CDC73: variants seen among roughly 807,000 people sequenced by gnomAD.
The protein encoded by CDC73 is cell division cycle 73.
CDC73 carries 21 observed loss-of-function variants against 83.7 expected under a neutral mutation model. The observed-to-expected ratio is 0.25, with a 90% CI of 0.18 to 0.36. CDC73 has a LOEUF of 0.36. CDC73 is among the 10% of genes least tolerant of loss of function. CDC73 has a pLI of 1.00. For synonymous variants in CDC73, 224 were observed against 212.9 expected (o/e 1.05, Z -0.45); for missense variants, 342 against 653.3 (o/e 0.52, Z 5.19).
intron 15 of CDC73, among the ~76,000 whole-genome samples, chr1:193,248,377 A>G (rs1472129580): frequency 6.6e-6 from 1 of 152,126 alleles, no homozygotes; most frequent in African/African-American, 2.4e-5. Flanking sequence ...TAGTCATGCA[A>G]GAGCTTTGAT....
intron 10 of CDC73, chr1:193,180,929 A>T: frequency 6.2e-7 from 1 of 1,613,636 alleles, no homozygotes; most frequent in Non-Finnish European, 8.5e-7. Context: ...ATATCATGAT[A>T]TTGTCTGCTT....
At chr1:193,222,766 T>C (rs1252484387) in intron 13 of CDC73, among the ~76,000 whole-genome samples, 2 of 151,474 alleles carry the variant, frequency 1.3e-5, no homozygotes, top group Non-Finnish European at 2.9e-5. Context: ...CTTTTTTTTT[T>C]TTTTTTGCAT....
intron 10 of CDC73, among the ~76,000 whole-genome samples, chr1:193,191,176 T>C (rs1382484072): frequency 6.6e-6 from 1 of 152,220 alleles, no homozygotes; most frequent in Non-Finnish European, 1.5e-5. Flanking sequence ...GCTTGTACTT[T>C]GCTTTGTTCT....
intron 10 of CDC73, among the ~76,000 whole-genome samples, chr1:193,167,300 C>T (rs1028442832): frequency 1.3e-5 from 2 of 152,102 alleles, no homozygotes; most frequent in African/African-American, 2.4e-5. Context: ...GAAATTACTC[C>T]TGCCTGTAGT....
chr1:193,226,958 T>TA (rs1677576636), intron 13 of CDC73, among the ~76,000 whole-genome samples: 1 of 152,186 alleles, frequency 6.6e-6, no homozygotes, highest in Non-Finnish European at 1.5e-5. Flanking sequence ...AACTTTTTTT[T>TA]GTTGGTAATT....
intron 15 of CDC73, among the ~76,000 whole-genome samples, chr1:193,242,511 A>C (rs143649646): frequency 6.6e-6 from 1 of 152,230 alleles, no homozygotes; most frequent in African/African-American, 2.4e-5. Flanking sequence ...CATCTATTCA[A>C]AGTGTGATTA....
chr1:193,122,390 G>T, intron 1 of CDC73, 59 bp downstream of exon 1: 1 of 1,610,768 alleles, frequency 6.2e-7, no homozygotes, highest in South Asian at 1.1e-5. Flanking sequence ...GCCCCCAGGC[G>T]ACCTCTTTCT....
intron 13 of CDC73, among the ~76,000 whole-genome samples, chr1:193,232,144 C>T (rs942069937): frequency 1.3e-5 from 2 of 152,002 alleles, no homozygotes; most frequent in Non-Finnish European, 2.9e-5. Flanking sequence ...AGCAGGTTAT[C>T]AGCATGCACT....
chr1:193,225,071 G>A (rs965057972), intron 13 of CDC73, among the ~76,000 whole-genome samples: 7 of 149,574 alleles, frequency 4.7e-5, no homozygotes, highest in Non-Finnish European at 7.4e-5. Context: ...AGTCAATTTC[G>A]TCATTCTCAT....
At chr1:193,250,159 T>C (rs1044186959) in intron 16 of CDC73, among the ~76,000 whole-genome samples, 5 of 151,938 alleles carry the variant, frequency 3.3e-5, no homozygotes, top group Non-Finnish European at 4.4e-5. Flanking sequence ...TGAACCTTAT[T>C]TTCTATCCAA....
chr1:193,220,933 G>A (rs1180015338), intron 13 of CDC73, among the ~76,000 whole-genome samples: 1 of 136,412 alleles, frequency 7.3e-6, no homozygotes, highest in African/African-American at 2.8e-5. Flanking sequence ...GTTTTTGTAT[G>A]AGCTTTCCAC....
At chr1:193,132,363 T>C (rs1675710715) in intron 3 of CDC73, among the ~76,000 whole-genome samples, 1 of 152,230 alleles carries the variant, frequency 6.6e-6, no homozygotes, top group Non-Finnish European at 1.5e-5. Flanking sequence ...CTTAAACATG[T>C]AAACATGTTT....
chr1:193,180,330 T>C lies in CDC73; in HGVS notation c.973-23465T>C, dbSNP rs758829481. On this transcript the variant is annotated intron_variant, in intron 10 of 16. Coordinates refer to ENST00000367435, the MANE Select transcript of CDC73 (RefSeq NM_024529.5). ...TACGGTGGCGATACCTGCCTGCCTT[T>C]TCTTTTGCTGCGTTGGCACAGGCAT... 1.0e-5 allele frequency: 16 copies of C among 1,590,810 alleles called. No homozygotes were observed. The Admixed American group carries it at 2.2e-4, about 21-fold the overall frequency.
intron 10 of CDC73, among the ~76,000 whole-genome samples, chr1:193,193,911 A>C (rs770033909): frequency 6.6e-6 from 1 of 151,684 alleles, no homozygotes; most frequent in Non-Finnish European, 1.5e-5. Context: ...AGTTTATTGA[A>C]TCATACTAAA....
chr1:193,239,157 C>T (rs1327748569), intron 15 of CDC73, among the ~76,000 whole-genome samples: 1 of 152,190 alleles, frequency 6.6e-6, no homozygotes, highest in Non-Finnish European at 1.5e-5. Flanking sequence ...ATTGGTACAT[C>T]AAACTCAACC....
rs1473530931 is a variant in CDC73, at chr1:193,188,258, G to C, written c.973-15537G>C. 2.6e-5 allele frequency among the ~76,000 whole-genome samples: 4 copies of C among 152,232 alleles called. No individual in the cohort carries two copies. The East Asian group carries it at 7.7e-4, about 29-fold the overall frequency. On this transcript the variant is annotated intron_variant, in intron 10 of 16. Coordinates refer to ENST00000367435, the MANE Select transcript of CDC73 (RefSeq NM_024529.5). The stretch of plus-strand genomic sequence containing the variant: ...TTAAAAGATGCAGAACCAGTGCCTG[G>C]AGTTGTAAAATAGTCCAAATGTCAG...
intron 14 of CDC73, among the ~76,000 whole-genome samples, chr1:193,234,564 A>G (rs904908167): frequency 6.6e-6 from 1 of 151,906 alleles, no homozygotes; most frequent in African/African-American, 2.4e-5. Flanking sequence ...TGTATTAGTT[A>G]GGGTCTCCAG....
At chr1:193,156,994 G>A (rs192726808) in intron 10 of CDC73, among the ~76,000 whole-genome samples, 15 of 152,254 alleles carry the variant, frequency 9.9e-5, no homozygotes, top group Admixed American at 5.9e-4. Context: ...AGTGTTAAAG[G>A]TACGTTGTGC....
intron 10 of CDC73, among the ~76,000 whole-genome samples, chr1:193,160,547 A>T (rs1215699982): frequency 6.6e-6 from 1 of 152,092 alleles, no homozygotes; most frequent in Non-Finnish European, 1.5e-5. Flanking sequence ...CTTTCAGCTT[A>T]ATAGAGCTTT....
Sources: allele counts gnomAD v4.1 joint callset (sites outside exome capture counted in the v4.1 genomes callset), GRCh38; gene constraint gnomAD v4.1.1; transcripts MANE v1.5; gene names NCBI Gene and HGNC (gene_info 2026-07-23, HGNC 2026-07-21).